The following STAT4 variants were observed in gnomAD, a reference collection of about 807,000 sequenced individuals.
STAT4 encodes the protein signal transducer and activator of transcription 4.
In STAT4, 42 loss-of-function variants were observed where a neutral mutation model predicts 110.5. The observed-to-expected ratio is 0.38, with a 90% CI of 0.30 to 0.49. The LOEUF (loss-of-function observed/expected upper bound fraction) is 0.49, where lower values mean the gene tolerates loss of function less well. Among genes scored for constraint, STAT4 ranks in the 20% least tolerant of loss-of-function variants. The pLI, the probability that STAT4 is intolerant of heterozygous loss-of-function variation, is 0.95. For synonymous variants in STAT4, 284 were observed against 302.2 expected, an observed-to-expected ratio of 0.94 and a Z score of 0.63; for missense variants, 632 against 887.9, an observed-to-expected ratio of 0.71 and a Z score of 3.66.
chr2:191,034,481 ATAGACT>A (rs1353184263), intron 18 of STAT4, 61 bp downstream of exon 18: 5 of 1,224,576 alleles, frequency 4.1e-6, no homozygotes, highest in Admixed American at 1.8e-5. Flanking sequence ...CCATGTAGTA[ATAGACT>A]TAGAAAGGAA....
chr2:191,112,885 G>A lies in STAT4; in HGVS notation c.273+33728C>T, dbSNP rs112822632. On this transcript the variant is annotated intron_variant, in intron 3 of 23. Transcript: ENST00000392320. This position sits in a 1 kb window ranked among gnomAD's most constrained non-coding sequence, Gnocchi z 4.3. The stretch of plus-strand genomic sequence containing the variant: ...TGTGACTCAGAATTAAACATACAAC[G>A]TTCAGTCCTATAATAGAGCAAATAT... 5.9e-5 allele frequency among the ~76,000 whole-genome samples: 9 copies of A among 152,282 alleles called. No homozygotes were observed. Among genetic ancestry groups the A allele is most frequent in the Non-Finnish European group, 7.4e-5 (5 of 68,022 alleles).
Position 191,033,762 on chromosome 2 carries a change from CAT to C in STAT4, c.1716-138_1716-137del. ...AAATACTCATATATAGATTAATATACATAGTGCCACTCCACAAAGAATAAGAA... is the reference window on the plus strand; with the variant it reads ...AAATACTCATATATAGATTAATATACAGTGCCACTCCACAAAGAATAAGAA... On this transcript the variant is annotated intron_variant, in intron 19 of 23. Coordinates refer to ENST00000392320, the MANE Select transcript of STAT4 (RefSeq NM_003151.4). This position sits in a 1 kb window ranked among gnomAD's most constrained non-coding sequence, Gnocchi z 6.9. The C allele has an allele frequency of 2.2e-6, 3 of 1,338,040 alleles. No homozygotes were observed. Among genetic ancestry groups the C allele is most frequent in the Non-Finnish European group, 3.1e-6 (3 of 978,434 alleles). 82.9% of individuals were successfully genotyped at this position (1,338,040 alleles called of 1,614,324 possible).
rs990341356 is a variant in STAT4 at position 191,051,071 on chromosome 2, T to C, written c.1251+3419A>G. Among the ~76,000 whole-genome samples the C allele has an allele frequency of 2.6e-5, 4 of 151,994 alleles. No individual in the cohort carries two copies. Among genetic ancestry groups the C allele is most frequent in the East Asian group, 1.9e-4 (1 of 5,176 alleles). ...GTGTGTGTGATGGAGGTGAAGAGCA[T>C]TGGAGTGGTAGCAGGAATTCCAGAC... On this transcript the variant is annotated intron_variant, in intron 14 of 23. Coordinates refer to ENST00000392320, the MANE Select transcript of STAT4 (RefSeq NM_003151.4). The surrounding 1 kb of genome is among the most constrained non-coding windows in gnomAD (Gnocchi z 5.6).
At position 191,148,428 on chromosome 2, in the gene STAT4, T is replaced by C. The variant is rs147248486; in HGVS notation, c.-1-224A>G. Reference sequence around the variant, plus strand: ...CCTTCCTTGCTCTAAAATGAACTCCTGTTCTACCTGCTCCAAAAAGTTTTC... The same window carrying C: ...CCTTCCTTGCTCTAAAATGAACTCCCGTTCTACCTGCTCCAAAAAGTTTTC... On this transcript the variant is annotated intron_variant, in intron 1 of 23. Transcript: ENST00000392320. Among the ~76,000 whole-genome samples, 28 of 152,276 alleles carry C rather than the reference T, an allele frequency of 1.8e-4. No individual in the cohort carries two copies. The East Asian group carries it at 5.0e-3, about 27-fold the overall frequency.
At chr2:191,128,289 G>C (rs1373463275) in intron 3 of STAT4, among the ~76,000 whole-genome samples, 1 of 152,266 alleles carries the variant, frequency 6.6e-6, no homozygotes, top group East Asian at 1.9e-4. Flanking sequence ...AGTTAACACA[G>C]AGTGGCTACA....
chr2:191,114,745 T>C (rs1028091764), intron 3 of STAT4, among the ~76,000 whole-genome samples: 1 of 152,190 alleles, frequency 6.6e-6, no homozygotes. Context: ...CATGCTTCTT[T>C]ACGGGCTGCA....
At position 191,104,571 on chromosome 2, in the gene STAT4, T is replaced by C. The variant is rs768850594; in HGVS notation, c.274-28246A>G. On this transcript the variant is annotated intron_variant, in intron 3 of 23. Coordinates refer to ENST00000392320, the MANE Select transcript of STAT4 (RefSeq NM_003151.4). The surrounding 1 kb of genome is among the most constrained non-coding windows in gnomAD (Gnocchi z 4.3). Reference sequence around the variant, plus strand: ...GCCATAGAAGTCTTTGAAGCTGAAATAAAATTGTCAACTTTTGATTTTGCT... The same window carrying C: ...GCCATAGAAGTCTTTGAAGCTGAAACAAAATTGTCAACTTTTGATTTTGCT... Among the ~76,000 whole-genome samples, 8 of 152,290 alleles carry C rather than the reference T, an allele frequency of 5.3e-5. No individual in the cohort carries two copies. Among genetic ancestry groups the C allele is most frequent in the Non-Finnish European group, 1.0e-4 (7 of 67,996 alleles).
chr2:191,091,627 T>C lies in STAT4; in HGVS notation c.274-15302A>G, dbSNP rs1229774360. Among the ~76,000 whole-genome samples, 1 of 152,186 alleles carries C rather than the reference T, an allele frequency of 6.6e-6. No homozygotes were observed. Among genetic ancestry groups the C allele is most frequent in the Non-Finnish European group, 1.5e-5 (1 of 68,028 alleles). ...GTGACAGAAAATGTCTGACAACAGCTATGATAGTCACAAAGGCTAATTTCT... is the reference window on the plus strand; with the variant it reads ...GTGACAGAAAATGTCTGACAACAGCCATGATAGTCACAAAGGCTAATTTCT... On this transcript the variant is annotated intron_variant, in intron 3 of 23. Transcript: ENST00000392320. The surrounding 1 kb of genome is among the most constrained non-coding windows in gnomAD (Gnocchi z 5.4).
rs1231744181 is a variant in STAT4, at chr2:191,112,454, T to C, written c.273+34159A>G. On this transcript the variant is annotated intron_variant, in intron 3 of 23. Transcript: ENST00000392320. The surrounding 1 kb of genome is among the most constrained non-coding windows in gnomAD (Gnocchi z 4.3). ...GTGTACCAGTGTATCTAGTAGTAAA[T>C]GGTCATCATTGTTCTAAGCCACATA... is the stretch of plus-strand genomic sequence containing the variant. 6.6e-6 allele frequency among the ~76,000 whole-genome samples: 1 copy of C among 152,204 alleles called. No homozygotes were observed. The highest frequency in any genetic ancestry group is 1.5e-5 in the Non-Finnish European group (1 of 68,040).
intron 16 of STAT4, among the ~76,000 whole-genome samples, chr2:191,036,836 G>A (rs989838797): frequency 8.5e-5 from 13 of 152,152 alleles, no homozygotes; most frequent in Non-Finnish European, 1.2e-4. Context: ...TAACAATTAC[G>A]CTTATGACAC....
At chr2:191,065,753 C>A (rs892736485) in intron 7 of STAT4, among the ~76,000 whole-genome samples, 10 of 152,014 alleles carry the variant, frequency 6.6e-5, no homozygotes, top group African/African-American at 2.4e-4. Context: ...CTTGTTTGTG[C>A]TCACCCAAAT....
Position 191,144,620 on chromosome 2 carries a change from G to A in STAT4, c.273+1993C>T, listed in dbSNP as rs187074966. ...TAACTGCAGGTTTTTGAGCAGTGGC[G>A]TAGTGAAATAGAAGTGATGGTTTAA... On this transcript the variant is annotated intron_variant, in intron 3 of 23. Transcript: ENST00000392320. This position sits in a 1 kb window ranked among gnomAD's most constrained non-coding sequence, Gnocchi z 4.7. Among the ~76,000 whole-genome samples, 45 of 150,082 alleles carry A rather than the reference G, an allele frequency of 3.0e-4. No homozygotes were observed. The East Asian group carries it at 8.1e-3, about 27-fold the overall frequency.
chr2:191,151,113 T>C (rs1202831758), upstream of STAT4: 1 of 985,318 alleles, frequency 1.0e-6, no homozygotes, highest in African/African-American at 1.7e-5. The surrounding 1 kb of genome is among the most constrained non-coding windows in gnomAD (Gnocchi z 4.7). Context: ...TCTGGGACTT[T>C]ACTTGGGTCA....
Position 191,107,971 on chromosome 2 carries a change from A to G in STAT4, c.274-31646T>C, listed in dbSNP as rs921059039. Among the ~76,000 whole-genome samples the G allele has an allele frequency of 6.6e-6, 1 of 152,164 alleles. No individual in the cohort carries two copies. Among genetic ancestry groups the G allele is most frequent in the Non-Finnish European group, 1.5e-5 (1 of 68,042 alleles). ...TGAAAACTATTACTATAATCCTTGA[A>G]GCACACCAAGAATGAAAGAAAGACA... On this transcript the variant is annotated intron_variant, in intron 3 of 23. Coordinates refer to ENST00000392320, the MANE Select transcript of STAT4 (RefSeq NM_003151.4). The surrounding 1 kb of genome is among the most constrained non-coding windows in gnomAD (Gnocchi z 4.2).
chr2:191,055,251 T>G (rs1280784131), intron 13 of STAT4, among the ~76,000 whole-genome samples: 1 of 151,876 alleles, frequency 6.6e-6, no homozygotes, highest in African/African-American at 2.4e-5. Context: ...CAGGCTGGAG[T>G]GCAGTGGCAC....
chr2:191,137,172 G>T (rs923461397), intron 3 of STAT4, among the ~76,000 whole-genome samples: 3 of 151,908 alleles, frequency 2.0e-5, no homozygotes, highest in African/African-American at 7.3e-5. Context: ...GTGAAACCCC[G>T]TCTCTAGTAA....
chr2:191,061,600 G>T lies in STAT4; in HGVS notation c.1034+129C>A. The T allele has an allele frequency of 1.1e-6, 1 of 872,120 alleles. No individual in the cohort carries two copies. The highest frequency in any genetic ancestry group is 1.9e-6 in the Non-Finnish European group (1 of 522,264). The allele number at this position is 872,120 out of a possible 1,614,324, so 54.0% of individuals were successfully genotyped here. The stretch of plus-strand genomic sequence containing the variant: ...CTGTGGGTATTTCCCCAAGCTCAGA[G>T]CTGGGCACACAGCAGATGGTTCAAT... On this transcript the variant is annotated intron_variant, in intron 10 of 23. Coordinates refer to ENST00000392320, the MANE Select transcript of STAT4 (RefSeq NM_003151.4). The surrounding 1 kb of genome is among the most constrained non-coding windows in gnomAD (Gnocchi z 6.2).
rs1698302184 is a variant in STAT4, at chr2:191,107,011, C to A, written c.274-30686G>T. ...TTGGTGATACATTTGGATTGTCAGT[C>A]AAGTGATATTTGGACTTGATAGACA... On this transcript the variant is annotated intron_variant, in intron 3 of 23. Coordinates refer to ENST00000392320, the MANE Select transcript of STAT4 (RefSeq NM_003151.4). The surrounding 1 kb of genome is among the most constrained non-coding windows in gnomAD (Gnocchi z 4.2). Among the ~76,000 whole-genome samples the A allele has an allele frequency of 6.6e-6, 1 of 152,118 alleles. No individual in the cohort carries two copies. The highest frequency in any genetic ancestry group is 1.5e-5 in the Non-Finnish European group (1 of 68,030).
At chr2:191,057,893 C>G in intron 13 of STAT4, 125 bp downstream of exon 13, 1 of 888,432 alleles carries the variant, frequency 1.1e-6, no homozygotes, top group Non-Finnish European at 1.7e-6. Flanking sequence ...CCACCGTGCC[C>G]GGCCGGTTCC....
Sources: allele counts gnomAD v4.1 joint callset (sites outside exome capture counted in the v4.1 genomes callset), GRCh38; gene constraint gnomAD v4.1.1; non-coding constraint Gnocchi (gnomAD v3.1); transcripts MANE v1.5; gene names NCBI Gene and HGNC (gene_info 2026-07-23, HGNC 2026-07-21).